TMEM132D: variants seen among roughly 807,000 people sequenced by gnomAD.
TMEM132D encodes the protein mature OL transmembrane protein.
In TMEM132D, 21 loss-of-function variants were observed where a neutral mutation model predicts 62.3. The ratio of observed to expected loss-of-function variants is 0.34; its 90% confidence interval spans 0.24 to 0.49. TMEM132D has a LOEUF of 0.49. Among genes scored for constraint, TMEM132D ranks in the 20% least tolerant of loss-of-function variants. The pLI is 0.99. For synonymous variants in TMEM132D, 621 were observed against 575.6 expected (o/e 1.08, Z -1.13); for missense variants, 1,346 against 1,402.8 (o/e 0.96, Z 0.65).
chr12:129,459,231 G>A (rs1873578947), intron 3 of TMEM132D, among the ~76,000 whole-genome samples: 2 of 152,164 alleles, frequency 1.3e-5, no homozygotes, highest in African/African-American at 4.8e-5. Flanking sequence ...GGACTTTCAT[G>A]AGAGGAGCCT....
At chr12:129,304,508 T>A (rs952484839) in intron 4 of TMEM132D, among the ~76,000 whole-genome samples, 1 of 151,880 alleles carries the variant, frequency 6.6e-6, no homozygotes, top group African/African-American at 2.4e-5. Flanking sequence ...AAAGTCCACA[T>A]CATGGCCTGA....
intron 3 of TMEM132D, among the ~76,000 whole-genome samples, chr12:129,422,237 A>T (rs553722060): frequency 3.3e-5 from 5 of 152,230 alleles, no homozygotes; most frequent in African/African-American, 4.8e-5. Flanking sequence ...ACAATTTTTT[A>T]AATTTTATTG....
intron 1 of TMEM132D, among the ~76,000 whole-genome samples, chr12:129,807,883 A>G (rs777272111): frequency 2.0e-5 from 3 of 152,210 alleles, no homozygotes; most frequent in Non-Finnish European, 4.4e-5. Flanking sequence ...CTGGCTTAGT[A>G]TTCAGCATCA....
At chr12:129,816,823 T>C (rs1016113861) in intron 1 of TMEM132D, among the ~76,000 whole-genome samples, 1 of 152,236 alleles carries the variant, frequency 6.6e-6, no homozygotes, top group African/African-American at 2.4e-5. Flanking sequence ...CGAACGCAGA[T>C]GATGTTCTCA....
intron 4 of TMEM132D, among the ~76,000 whole-genome samples, chr12:129,294,798 G>A (rs1292948217): frequency 6.6e-6 from 1 of 152,104 alleles, no homozygotes; most frequent in Non-Finnish European, 1.5e-5. Context: ...TGCTAATCTA[G>A]TTACCAAATG....
intron 1 of TMEM132D, among the ~76,000 whole-genome samples, chr12:129,876,533 A>G (rs527952010): frequency 4.0e-4 from 61 of 152,306 alleles, no homozygotes; most frequent in African/African-American, 1.5e-3. Flanking sequence ...GCATAAACCC[A>G]AGACCAACTT....
At chr12:129,695,191 C>T (rs1881175146) in intron 2 of TMEM132D, among the ~76,000 whole-genome samples, 1 of 152,060 alleles carries the variant, frequency 6.6e-6, no homozygotes, top group Non-Finnish European at 1.5e-5. Context: ...GACATGACCC[C>T]TATATGTAAT....
chr12:129,301,154 T>C (rs187320146), intron 4 of TMEM132D, among the ~76,000 whole-genome samples: 4 of 152,326 alleles, frequency 2.6e-5, no homozygotes, highest in Admixed American at 2.6e-4. Flanking sequence ...GAGCAGAAGC[T>C]GGAAAGCAAG....
intron 5 of TMEM132D, among the ~76,000 whole-genome samples, chr12:129,170,994 T>C (rs1357144085): frequency 6.6e-6 from 1 of 152,180 alleles, no homozygotes; most frequent in Non-Finnish European, 1.5e-5. Flanking sequence ...GTTTGCTGCA[T>C]TGATCGACTC....
chr12:129,763,206 T>C (rs986967599), intron 1 of TMEM132D, among the ~76,000 whole-genome samples: 8 of 152,154 alleles, frequency 5.3e-5, no homozygotes, highest in Admixed American at 5.2e-4. Context: ...GTCTCCCGAA[T>C]AGCTGGGACT....
intron 1 of TMEM132D, among the ~76,000 whole-genome samples, chr12:129,810,266 CATT>C (rs929207682): frequency 5.9e-5 from 9 of 151,990 alleles, no homozygotes; most frequent in African/African-American, 2.2e-4. Flanking sequence ...TTAAAAAAAT[CATT>C]ATTTTCAGAT....
chr12:129,824,377 T>C (rs746911576), intron 1 of TMEM132D, among the ~76,000 whole-genome samples: 28 of 152,170 alleles, frequency 1.8e-4, no homozygotes, highest in Non-Finnish European at 3.7e-4. Flanking sequence ...TGTTCAACCA[T>C]ATTTTAAGCT....
At chr12:129,165,939 G>A (rs1019718540) in intron 5 of TMEM132D, among the ~76,000 whole-genome samples, 1 of 152,204 alleles carries the variant, frequency 6.6e-6, no homozygotes, top group Middle Eastern at 3.2e-3. Flanking sequence ...ACTATGGGCT[G>A]AGCCCTGGGT....
intron 3 of TMEM132D, among the ~76,000 whole-genome samples, chr12:129,452,534 C>G (rs565061816): frequency 6.6e-6 from 1 of 152,316 alleles, no homozygotes; most frequent in African/African-American, 2.4e-5. Context: ...CTGAGGGTCC[C>G]TGTCAATGTA....
chr12:129,373,182 C>G (rs920568027), intron 3 of TMEM132D, among the ~76,000 whole-genome samples: 1 of 152,142 alleles, frequency 6.6e-6, no homozygotes, highest in Non-Finnish European at 1.5e-5. Context: ...AGCACTTCAT[C>G]CTTTCTGTGA....
At chr12:129,618,035 A>G (rs1878969129) in intron 2 of TMEM132D, among the ~76,000 whole-genome samples, 1 of 152,194 alleles carries the variant, frequency 6.6e-6, no homozygotes, top group African/African-American at 2.4e-5. Context: ...AATCCGTGAA[A>G]TGAAGAAAGC....
At chr12:129,390,606 T>C (rs77475845) in intron 3 of TMEM132D, among the ~76,000 whole-genome samples, 3,557 of 152,286 alleles carry the variant, frequency 0.023, 134 homozygotes, top group African/African-American at 0.081. Context: ...ATTTTGGATA[T>C]AGAAGGAGCC....
chr12:129,369,379 TA>T (rs1011676533), intron 3 of TMEM132D, among the ~76,000 whole-genome samples: 91 of 144,616 alleles, frequency 6.3e-4, no homozygotes, highest in African/African-American at 1.4e-3. Context: ...TTTTTTTTTT[TA>T]AATTAATTCA....
chr12:129,099,830 TATTTTTA>T (rs764219687), intron 5 of TMEM132D, among the ~76,000 whole-genome samples: 170 of 128,160 alleles, frequency 1.3e-3, no homozygotes, highest in African/African-American at 8.6e-3. Flanking sequence ...TTTTTATTTT[TATTTTTA>T]TTTTTTGAGA....
Sources: allele counts gnomAD v4.1 joint callset (sites outside exome capture counted in the v4.1 genomes callset), GRCh38; gene constraint gnomAD v4.1.1; transcripts MANE v1.5; gene names NCBI Gene and HGNC (gene_info 2026-07-23, HGNC 2026-07-21).